Variants in DYNC1H1 observed in about 807,000 individuals in gnomAD.
The protein encoded by DYNC1H1 is cytoplasmic dynein 1 heavy chain 1.
Under a neutral mutation model 527.1 loss-of-function variants are expected in DYNC1H1, and 51 were observed. The observed-to-expected ratio is 0.10, with a 90% CI of 0.08 to 0.12. DYNC1H1 has a LOEUF of 0.12. Among genes scored for constraint, DYNC1H1 ranks in the 10% least tolerant of loss-of-function variants. DYNC1H1 has a pLI of 1.00. For missense variants in DYNC1H1, 2,771 were observed against 5,971.8 expected (o/e 0.46, Z 17.66); for synonymous variants, 2,189 against 2,278.8 (o/e 0.96, Z 1.12).
rs1341322951 is a variant in DYNC1H1, at chr14:102,005,826, C to G, written c.5434-62C>G. On this transcript the variant is annotated intron_variant, in intron 26 of 77. Coordinates refer to ENST00000360184, the MANE Select transcript of DYNC1H1 (RefSeq NM_001376.5). This position sits in a 1 kb window ranked among gnomAD's most constrained non-coding sequence, Gnocchi z 4.0. ...AATTTCAGTTTAACAGTCCACAAAC[C>G]CGGAGAATGCACTGTATTGCTTTAG... The G allele has an allele frequency of 3.7e-6, 6 of 1,604,366 alleles. No homozygotes were observed. Among genetic ancestry groups the G allele is most frequent in the South Asian group, 1.1e-5 (1 of 90,498 alleles).
intron 10 of DYNC1H1, among the ~76,000 whole-genome samples, chr14:101,989,397 T>A (rs1347089105): frequency 6.6e-6 from 1 of 152,088 alleles, no homozygotes; most frequent in African/African-American, 2.4e-5. Flanking sequence ...CCACACGGAG[T>A]AGTAGTCTGT....
In DYNC1H1 at chr14:102,012,118, GTCT is replaced by G. The variant is rs773209855; in HGVS notation, c.6857+10_6857+12del. On this transcript the variant is annotated splice_donor_region_variant and intron_variant, in intron 33 of 77. Transcript: ENST00000360184. This position sits in a 1 kb window ranked among gnomAD's most constrained non-coding sequence, Gnocchi z 4.9. ...CTTCACACACGTGCTGAGAAAGTAC[GTCT>G]TCTTTGATCTGTGTTTGTGTTCTCC... is the stretch of plus-strand genomic sequence containing the variant. The G allele has an allele frequency of 3.7e-6, 6 of 1,614,008 alleles. No individual in the cohort carries two copies. Among genetic ancestry groups the G allele is most frequent in the Non-Finnish European group, 4.2e-6 (5 of 1,180,006 alleles).
chr14:102,035,462 G>T (rs1438758016), intron 56 of DYNC1H1: 1 of 152,230 alleles, frequency 6.6e-6, no homozygotes, highest in African/African-American at 2.4e-5. Flanking sequence ...GAATCAATCA[G>T]TACAGCCTGT....
At position 102,015,732 on chromosome 14, in the gene DYNC1H1, A is replaced by G. The variant is rs1279974002; in HGVS notation, c.7243-124A>G. On this transcript the variant is annotated intron_variant, in intron 35 of 77. Coordinates refer to ENST00000360184, the MANE Select transcript of DYNC1H1 (RefSeq NM_001376.5). The surrounding 1 kb of genome is among the most constrained non-coding windows in gnomAD (Gnocchi z 6.9). ...CAGGGTGAAGGAATGAGGACTGGTC[A>G]TTGAAGCTTCATCCAAAATGAGTTT... The G allele has an allele frequency of 3.7e-6, 4 of 1,090,812 alleles. No homozygotes were observed. The East Asian group carries it at 7.7e-5, about 21-fold the overall frequency. 67.6% of individuals were successfully genotyped at this position (1,090,812 alleles called of 1,614,324 possible). A position where few individuals can be genotyped will look rare whatever the true frequency, so the allele number is the denominator to read the frequency against.
intron 7 of DYNC1H1, among the ~76,000 whole-genome samples, chr14:101,984,114 C>T (rs1022294226): frequency 6.6e-6 from 1 of 152,022 alleles, no homozygotes; most frequent in Non-Finnish European, 1.5e-5. Flanking sequence ...ACTATAGGCG[C>T]ACCCCACCAT....
At chr14:102,007,905 G>A (rs1199864781) in intron 28 of DYNC1H1, among the ~76,000 whole-genome samples, 2 of 152,220 alleles carry the variant, frequency 1.3e-5, no homozygotes, top group African/African-American at 4.8e-5. Flanking sequence ...GCTTGCACGT[G>A]GCTATTTTGT....
In DYNC1H1 at chr14:101,983,460, G is replaced by A. The variant is rs1034508175; in HGVS notation, c.1312G>A (p.Val438Ile). ...EKLQVLLRDI[V>I]KRKREENLKM... ...ACTTCAGGTATTGTTGAGAGACATCGTCAAAAGAAAAAGGGAAGAAAATCT... is the reference window on the plus strand; with the variant it reads ...ACTTCAGGTATTGTTGAGAGACATCATCAAAAGAAAAAGGGAAGAAAATCT... The change falls in exon 7 of 78, where the codon GTC becomes ATC. Residue 438 changes from valine to isoleucine, a missense_variant. Transcript: ENST00000360184. The surrounding 1 kb of genome is among the most constrained non-coding windows in gnomAD (Gnocchi z 5.3). 3 of 1,614,024 alleles carry A rather than the reference G, an allele frequency of 1.9e-6. No individual in the cohort carries two copies. The highest frequency in any genetic ancestry group is 2.2e-5 in the East Asian group (1 of 44,880).
At chr14:101,998,414 T>A (rs781726073) in intron 16 of DYNC1H1, among the ~76,000 whole-genome samples, 2 of 152,170 alleles carry the variant, frequency 1.3e-5, no homozygotes, top group Non-Finnish European at 2.9e-5. Context: ...CCTTTATAAA[T>A]GCTGATCCAA....
intron 74 of DYNC1H1, 35 bp downstream of exon 74, chr14:102,048,704 G>A (rs769366705): frequency 1.2e-5 from 20 of 1,608,388 alleles, no homozygotes; most frequent in Non-Finnish European, 1.6e-5. Flanking sequence ...TGTGGCTTCC[G>A]GCGGGCACCT....
chr14:102,011,828 A>G lies in DYNC1H1; in HGVS notation c.6619-47A>G, dbSNP rs967753507. The G allele has an allele frequency of 5.0e-6, 8 of 1,597,956 alleles. 1 individual carries two copies. Among genetic ancestry groups the G allele is most frequent in the Admixed American group, 3.3e-5 (2 of 59,958 alleles). On this transcript the variant is annotated intron_variant, in intron 32 of 77. Coordinates refer to ENST00000360184, the MANE Select transcript of DYNC1H1 (RefSeq NM_001376.5). The surrounding 1 kb of genome is among the most constrained non-coding windows in gnomAD (Gnocchi z 5.3). ...GGTGGCTGGGCGAGGAGCTGTCCCC[A>G]TTCCTCCTCTGGGATGGTCACTGTG... is the stretch of plus-strand genomic sequence containing the variant.
intron 2 of DYNC1H1, among the ~76,000 whole-genome samples, chr14:101,976,042 G>T (rs1265764730): frequency 1.3e-5 from 2 of 151,242 alleles, no homozygotes; most frequent in Non-Finnish European, 2.9e-5. Flanking sequence ...CAGGTAGCTG[G>T]GATTGCAGAC....
rs377013246 is a variant in DYNC1H1 at position 102,002,693 on chromosome 14, C to A, written c.4699C>A (p.Arg1567=). ...IKHLLPVETQ[R]FQSISTEFLA... is the part of the protein sequence containing the mutation. ...GCACCTGCTGCCAGTGGAAACCCAG[C>A]GGTTTCAGAGGTATGGCCTCCAGCC... Residue 1567 remains arginine, a synonymous_variant, in exon 22 of 78, where the codon CGG becomes AGG. Coordinates refer to ENST00000360184, the MANE Select transcript of DYNC1H1 (RefSeq NM_001376.5). This position sits in a 1 kb window ranked among gnomAD's most constrained non-coding sequence, Gnocchi z 4.4. 1.1e-5 allele frequency: 17 copies of A among 1,614,112 alleles called. 1 individual carries two copies. The East Asian group carries it at 1.1e-4, about 11-fold the overall frequency.
At position 102,049,752 on chromosome 14, in the gene DYNC1H1, G is replaced by A. The variant is rs759886050; in HGVS notation, c.13554G>A (p.Glu4518=). ...GCCTGGGTGGCCTGTTCGTGCCTGAGGCGTACATCACTGCCACCAGGCAGT... is the reference window on the plus strand; with the variant it reads ...GCCTGGGTGGCCTGTTCGTGCCTGAAGCGTACATCACTGCCACCAGGCAGT... ...HVCLGGLFVP[E]AYITATRQYV... is the part of the protein sequence containing the mutation. Residue 4518 remains glutamate (E), a synonymous_variant, in exon 76 of 78, where the codon GAG becomes GAA. Transcript: ENST00000360184. The surrounding 1 kb of genome is among the most constrained non-coding windows in gnomAD (Gnocchi z 5.5). 1.2e-6 allele frequency: 2 copies of A among 1,613,950 alleles called. No individual in the cohort carries two copies. Among genetic ancestry groups the A allele is most frequent in the Non-Finnish European group, 1.7e-6 (2 of 1,180,036 alleles).
chr14:101,988,080 C>A (rs1350648637), intron 9 of DYNC1H1, among the ~76,000 whole-genome samples: 3 of 152,082 alleles, frequency 2.0e-5, no homozygotes, highest in Non-Finnish European at 4.4e-5. Flanking sequence ...CACACACACA[C>A]AAAAAGAACC....
chr14:101,997,423 A>G lies in DYNC1H1; in HGVS notation c.3804+149A>G. 7.1e-7 allele frequency: 1 copy of G among 1,411,198 alleles called. No homozygotes were observed. Among genetic ancestry groups the G allele is most frequent in the Non-Finnish European group, 9.6e-7 (1 of 1,038,978 alleles). 87.4% of individuals were successfully genotyped at this position (1,411,198 alleles called of 1,614,324 possible). On this transcript the variant is annotated intron_variant, in intron 16 of 77. Transcript: ENST00000360184. This position sits in a 1 kb window ranked among gnomAD's most constrained non-coding sequence, Gnocchi z 4.8. ...TTTGTAGTTAAAAAAGCAGATGGAG[A>G]TAGCAAATGTGAAAATATGAAGCCC...
At chr14:102,022,292 C>T (rs1207053539) in intron 42 of DYNC1H1, among the ~76,000 whole-genome samples, 1 of 151,116 alleles carries the variant, frequency 6.6e-6, no homozygotes, top group East Asian at 2.0e-4. Flanking sequence ...GTCAGGAGAT[C>T]GAGACCATCC....
chr14:101,993,522 C>T (rs2048022186), intron 11 of DYNC1H1, among the ~76,000 whole-genome samples: 1 of 152,220 alleles, frequency 6.6e-6, no homozygotes, highest in South Asian at 2.1e-4. Context: ...TTCACTGGCT[C>T]TGCCCCATCA....
rs757278522 is a variant in DYNC1H1, at chr14:102,050,237, C to T, written c.13812+39C>T. The stretch of plus-strand genomic sequence containing the variant: ...GCCTTTCCCAGGCATTCTGCAGGGA[C>T]CCCTGCGGTAACAAGGGCAGAGGCG... On this transcript the variant is annotated intron_variant, in intron 77 of 77. Coordinates refer to ENST00000360184, the MANE Select transcript of DYNC1H1 (RefSeq NM_001376.5). 4.3e-6 allele frequency: 7 copies of T among 1,613,104 alleles called. No homozygotes were observed. The Admixed American group carries it at 1.2e-4, about 27-fold the overall frequency.
Position 102,044,086 on chromosome 14 carries a change from C to CT in DYNC1H1, c.12684+42dup. ...GCCAGGACAGACAGTGGACGTGTAT[C>CT]TGGGAAGGATGCTGCAGGGCGTGGT... is the stretch of plus-strand genomic sequence containing the variant. On this transcript the variant is annotated intron_variant, in intron 70 of 77. Transcript: ENST00000360184. This position sits in a 1 kb window ranked among gnomAD's most constrained non-coding sequence, Gnocchi z 7.1. 6.2e-7 allele frequency: 1 copy of CT among 1,610,472 alleles called. No individual in the cohort carries two copies. The highest frequency in any genetic ancestry group is 1.1e-5 in the South Asian group (1 of 90,848).
Sources: gnomAD v4.1 joint callset for allele counts (sites outside exome capture counted in the v4.1 genomes callset) on GRCh38, gnomAD v4.1.1 for gene constraint, Gnocchi (gnomAD v3.1) non-coding constraint, MANE v1.5 for transcripts, NCBI Gene and HGNC (gene_info 2026-07-23, HGNC 2026-07-21) for gene names.